PDE10A: variants seen among roughly 807,000 people sequenced by gnomAD.
PDE10A encodes the protein cAMP and cAMP-inhibited cGMP 3',5'-cyclic phosphodiesterase 10A.
In PDE10A, 39 loss-of-function variants were observed where a neutral mutation model predicts 97.7. That is an observed-to-expected ratio of 0.40 (90% CI 0.31 to 0.52). PDE10A has a LOEUF of 0.52. Ranked by LOEUF, PDE10A falls within the 20% of genes least tolerant of loss-of-function variation. The probability of loss-of-function intolerance (pLI) is 0.56; values close to 1 mark genes in which losing one functional copy is unlikely to be tolerated. For missense variants in PDE10A, 731 were observed against 1,047.8 expected, an observed-to-expected ratio of 0.70 and a Z score of 4.17; for synonymous variants, 371 against 376.8, an observed-to-expected ratio of 0.98 and a Z score of 0.18.
At chr6:165,828,754 A>G (rs1779828683) in intron 1 of PDE10A, among the ~76,000 whole-genome samples, 1 of 152,180 alleles carries the variant, frequency 6.6e-6, no homozygotes, top group Non-Finnish European at 1.5e-5. Context: ...AGCAGAGCCC[A>G]CTGCGGGCAG....
At chr6:165,814,152 A>G (rs902049423) in intron 1 of PDE10A, among the ~76,000 whole-genome samples, 1 of 152,204 alleles carries the variant, frequency 6.6e-6, no homozygotes, top group Non-Finnish European at 1.5e-5. Flanking sequence ...GAATTTGGAA[A>G]CACATGGGGC....
intron 1 of PDE10A, among the ~76,000 whole-genome samples, chr6:165,640,908 T>G (rs1235703019): frequency 6.6e-6 from 1 of 152,256 alleles, no homozygotes. Context: ...CCAGGAAATA[T>G]TCAGAATAGT....
chr6:165,333,706 G>A (rs1310394579), intron 21 of PDE10A, among the ~76,000 whole-genome samples: 2 of 152,168 alleles, frequency 1.3e-5, no homozygotes, highest in African/African-American at 4.8e-5. Flanking sequence ...CCTCACCCGA[G>A]GCAGTCTCAT....
intron 1 of PDE10A, among the ~76,000 whole-genome samples, chr6:165,932,694 A>G (rs1053444899): frequency 1.3e-5 from 2 of 152,196 alleles, no homozygotes; most frequent in Non-Finnish European, 2.9e-5. Flanking sequence ...CTGGTCTCAA[A>G]CTACTGACCT....
chr6:165,338,641 C>T (rs1029054893), intron 20 of PDE10A, among the ~76,000 whole-genome samples: 1 of 152,156 alleles, frequency 6.6e-6, no homozygotes, highest in Non-Finnish European at 1.5e-5. Context: ...TATAATGTAA[C>T]TCTCCAAAAA....
At chr6:165,410,410 T>C (rs1487895218) in intron 13 of PDE10A, among the ~76,000 whole-genome samples, 1 of 152,060 alleles carries the variant, frequency 6.6e-6, no homozygotes, top group Non-Finnish European at 1.5e-5. Context: ...GAGGGACAAG[T>C]TGGAATAAGA....
intron 1 of PDE10A, among the ~76,000 whole-genome samples, chr6:165,573,620 T>C (rs1233766713): frequency 6.6e-6 from 1 of 152,230 alleles, no homozygotes; most frequent in Admixed American, 6.5e-5. Context: ...CAAAGCCTTA[T>C]AAGTGGCAAC....
chr6:165,404,596 T>C (rs192971004), intron 13 of PDE10A, among the ~76,000 whole-genome samples: 4 of 152,086 alleles, frequency 2.6e-5, no homozygotes, highest in East Asian at 3.9e-4. Flanking sequence ...ACATTACATA[T>C]ATCTGAGCAT....
intron 1 of PDE10A, among the ~76,000 whole-genome samples, chr6:165,902,557 C>T (rs529312440): frequency 7.9e-5 from 12 of 152,302 alleles, no homozygotes; most frequent in African/African-American, 2.9e-4. Context: ...CTTCGGCATT[C>T]CTTATTTCAA....
intron 1 of PDE10A, among the ~76,000 whole-genome samples, chr6:165,557,537 C>T (rs991536023): frequency 3.9e-5 from 6 of 152,004 alleles, no homozygotes; most frequent in African/African-American, 9.7e-5. Context: ...TATCAAAATA[C>T]GTTTTTTAAA....
chr6:165,454,654 C>A (rs568606523), intron 3 of PDE10A, among the ~76,000 whole-genome samples: 2 of 152,236 alleles, frequency 1.3e-5, no homozygotes, highest in African/African-American at 4.8e-5. Flanking sequence ...AGGTCCTTGC[C>A]AGATGCAGGC....
intron 21 of PDE10A, among the ~76,000 whole-genome samples, chr6:165,335,001 C>T (rs1781565253): frequency 6.6e-6 from 1 of 152,238 alleles, no homozygotes. Context: ...CAACCCACCC[C>T]AGGCAGAGCT....
At chr6:165,670,136 A>G (rs559767053) in intron 1 of PDE10A, among the ~76,000 whole-genome samples, 1 of 152,344 alleles carries the variant, frequency 6.6e-6, no homozygotes, top group Admixed American at 6.5e-5. Context: ...GGAATCAAAG[A>G]GAGAAAGCTT....
At chr6:165,851,765 A>G (rs1288535039) in intron 1 of PDE10A, among the ~76,000 whole-genome samples, 1 of 152,132 alleles carries the variant, frequency 6.6e-6, no homozygotes, top group Non-Finnish European at 1.5e-5. Flanking sequence ...TCCTGGATGT[A>G]TTCTGAAAGT....
At chr6:165,336,326 T>C in intron 20 of PDE10A, 115 bp from the exon 21 acceptor site, 2 of 713,514 alleles carry the variant, frequency 2.8e-6, no homozygotes, top group South Asian at 3.5e-5. Context: ...TAAAATTGCA[T>C]GTTCTAGTTT....
rs554169422 is a variant in PDE10A, at chr6:165,355,008, T to C, written c.2784-11506A>G. ...CTTTACTCATTATAATGTAGAATTC[T>C]GTGGATTGCTTCCATGAGCTTATCA... On this transcript the variant is annotated intron_variant, in intron 18 of 21. Transcript: ENST00000539869. 3.2e-4 allele frequency among the ~76,000 whole-genome samples: 48 copies of C among 152,316 alleles called. No individual in the cohort carries two copies. In the South Asian group the frequency reaches 8.7e-3, roughly 28 times the overall value.
At chr6:165,581,062 C>G (rs1305882063) in intron 1 of PDE10A, among the ~76,000 whole-genome samples, 1 of 152,048 alleles carries the variant, frequency 6.6e-6, no homozygotes, top group Non-Finnish European at 1.5e-5. Flanking sequence ...TATTAATTTC[C>G]TTTTTAGATC....
At chr6:165,334,280 T>C (rs1286498893) in intron 21 of PDE10A, among the ~76,000 whole-genome samples, 2 of 150,564 alleles carry the variant, frequency 1.3e-5, no homozygotes, top group African/African-American at 2.5e-5. Flanking sequence ...CATAGCGCCC[T>C]ACAGCGCCGG....
At chr6:165,754,466 C>A (rs1301600946) in intron 1 of PDE10A, 1 of 152,140 alleles carries the variant, frequency 6.6e-6, no homozygotes, top group African/African-American at 2.4e-5. Flanking sequence ...CAGCAAAGTG[C>A]TGTTGGAGAC....
Sources: gnomAD v4.1 joint callset for allele counts (sites outside exome capture counted in the v4.1 genomes callset) on GRCh38, gnomAD v4.1.1 for gene constraint, MANE v1.5 for transcripts, NCBI Gene and HGNC (gene_info 2026-07-23, HGNC 2026-07-21) for gene names.